PCSK5: variants seen among roughly 807,000 people sequenced by gnomAD.
PCSK5 encodes proprotein convertase subtilisin/kexin type 5.
In PCSK5, 129 loss-of-function variants were observed where a neutral mutation model predicts 233.2. The observed-to-expected ratio is 0.55, with a 90% CI of 0.48 to 0.64. The LOEUF is 0.64. Ranked by LOEUF, PCSK5 falls within the 30% of genes least tolerant of loss-of-function variation. PCSK5 has a pLI of 0.00. For synonymous variants in PCSK5, 825 were observed against 879.2 expected (o/e 0.94, Z 1.09); for missense variants, 2,076 against 2,430.1 (o/e 0.85, Z 3.06).
At chr9:75,998,333 G>A (rs1285508884) in intron 3 of PCSK5, among the ~76,000 whole-genome samples, 1 of 151,788 alleles carries the variant, frequency 6.6e-6, no homozygotes, top group African/African-American at 2.4e-5. Context: ...CTTAACATTT[G>A]TGCATTTACA....
intron 33 of PCSK5, among the ~76,000 whole-genome samples, chr9:76,329,676 T>C (rs1328091304): frequency 6.6e-6 from 1 of 151,486 alleles, no homozygotes; most frequent in Non-Finnish European, 1.5e-5. Context: ...CTACTAAAAA[T>C]ACAAAAATTA....
intron 1 of PCSK5, among the ~76,000 whole-genome samples, chr9:75,926,231 G>T (rs62555878): frequency 2.0e-5 from 3 of 150,318 alleles, no homozygotes; most frequent in Admixed American, 6.6e-5. Flanking sequence ...ACTTTTTTGA[G>T]ATCATCGGTT....
chr9:76,189,564 T>C, intron 19 of PCSK5, 67 bp from the exon 20 acceptor site: 5 of 920,522 alleles, frequency 5.4e-6, no homozygotes, highest in Non-Finnish European at 8.9e-6. Context: ...ATTATGAGGT[T>C]GCTAGTAAAC....
intron 7 of PCSK5, 57 bp downstream of exon 7, chr9:76,071,955 G>A: frequency 1.1e-5 from 16 of 1,502,432 alleles, no homozygotes; most frequent in Non-Finnish European, 1.5e-5. Flanking sequence ...ATTCTCATAT[G>A]AAGAATCTAT....
At chr9:76,336,313 C>CA (rs11351169) in intron 34 of PCSK5, among the ~76,000 whole-genome samples, 5 of 151,314 alleles carry the variant, frequency 3.3e-5, no homozygotes, top group South Asian at 4.2e-4. Flanking sequence ...AATTAGTCTA[C>CA]AAAAAAAAAG....
rs60154517 is a variant in PCSK5, at chr9:75,979,566, C to T, written c.298-6566C>T. On this transcript the variant is annotated intron_variant, in intron 2 of 37. Transcript: ENST00000674117. ...CTTTCTTTGTCTGTCCACTGGAGGG[C>T]GAATGCAATACTGGTAGGCCTGAGG... 7.0e-3 allele frequency among the ~76,000 whole-genome samples: 1,062 copies of T among 152,216 alleles called. 16 individuals are homozygous for T. Among genetic ancestry groups the T allele is most frequent in the African/African-American group, 0.023 (962 of 41,536 alleles).
chr9:76,290,729 G>A (rs1828252183), intron 24 of PCSK5, among the ~76,000 whole-genome samples: 1 of 152,220 alleles, frequency 6.6e-6, no homozygotes, highest in African/African-American at 2.4e-5. Context: ...CTGTGAAGTG[G>A]CAGGGAGTAA....
At chr9:75,992,147 G>T (rs1169316118) in intron 3 of PCSK5, among the ~76,000 whole-genome samples, 1 of 152,094 alleles carries the variant, frequency 6.6e-6, no homozygotes. Flanking sequence ...CCAAACTAAG[G>T]AATGGAGTAT....
intron 2 of PCSK5, among the ~76,000 whole-genome samples, chr9:75,982,276 G>A (rs996149525): frequency 6.6e-6 from 1 of 151,994 alleles, no homozygotes; most frequent in African/African-American, 2.4e-5. Flanking sequence ...GTTCTTACTG[G>A]CAGTGTTTTA....
At chr9:75,978,276 A>G (rs1035231910) in intron 2 of PCSK5, among the ~76,000 whole-genome samples, 3 of 152,214 alleles carry the variant, frequency 2.0e-5, no homozygotes. Context: ...CGTCTTTGGT[A>G]CTAGGGATCT....
intron 8 of PCSK5, among the ~76,000 whole-genome samples, chr9:76,101,356 C>A (rs796625433): frequency 6.6e-6 from 1 of 152,154 alleles, no homozygotes; most frequent in Non-Finnish European, 1.5e-5. Context: ...CGTTATTTGA[C>A]AGGATATTTA....
rs775643042 is a variant in PCSK5, at chr9:76,323,077, CGAT to C, written c.4132_4134del (p.Asp1378del). 6.8e-6 allele frequency: 11 copies of C among 1,605,852 alleles called. No homozygotes were observed. In the African/African-American group the frequency reaches 1.1e-4, roughly 16 times the overall value. On this transcript the variant is annotated inframe_deletion, in exon 32 of 38. Coordinates refer to ENST00000674117, the MANE Select transcript of PCSK5 (RefSeq NM_001372043.1). ...AGTGCACGCCTGAGTTCTTCCTGCACGATGATATGTGCCACCAGTCCTGTCCCC... is the reference window on the plus strand; with the variant it reads ...AGTGCACGCCTGAGTTCTTCCTGCACGATATGTGCCACCAGTCCTGTCCCC...
intron 7 of PCSK5, among the ~76,000 whole-genome samples, chr9:76,084,378 TATC>T (rs1327565233): frequency 2.6e-5 from 4 of 152,258 alleles, no homozygotes; most frequent in Non-Finnish European, 4.4e-5. Flanking sequence ...AAATTTTTAT[TATC>T]ATCTTGTTTT....
intron 5 of PCSK5, among the ~76,000 whole-genome samples, chr9:76,038,826 G>A (rs569912525): frequency 6.6e-6 from 1 of 152,304 alleles, no homozygotes; most frequent in Non-Finnish European, 1.5e-5. Context: ...TGGGACAATA[G>A]GAGCCCCATC....
chr9:75,934,012 A>G (rs1187635225), intron 2 of PCSK5, among the ~76,000 whole-genome samples: 8 of 152,218 alleles, frequency 5.3e-5, no homozygotes, highest in Non-Finnish European at 1.2e-4. Context: ...TTTACTGAAC[A>G]TGGAGCTATT....
Position 76,360,119 on chromosome 9 carries a change from T to G in PCSK5, c.*1197T>G, listed in dbSNP as rs1830405304. 6.6e-6 allele frequency: 1 copy of G among 152,176 alleles called. No homozygotes were observed. The highest frequency in any genetic ancestry group is 2.1e-4 in the South Asian group (1 of 4,834). 9.4% of individuals were successfully genotyped at this position (152,176 alleles called of 1,614,324 possible). A position where few individuals can be genotyped will look rare whatever the true frequency, so the allele number is the denominator to read the frequency against. On this transcript the variant is annotated 3_prime_UTR_variant, in exon 38 of 38. Coordinates refer to ENST00000674117, the MANE Select transcript of PCSK5 (RefSeq NM_001372043.1). ...ATGATGTTGGCAGGGTCTTACAGAT[T>G]TCCTTGTCAAAATAGACCTTACAGG... is the stretch of plus-strand genomic sequence containing the variant.
intron 32 of PCSK5, among the ~76,000 whole-genome samples, chr9:76,323,927 G>C (rs977293913): frequency 1.7e-5 from 2 of 118,264 alleles, no homozygotes; most frequent in Non-Finnish European, 3.6e-5. Flanking sequence ...CTCCCTTCCT[G>C]GGTGATTTTT....
chr9:76,240,245 T>A (rs984908), intron 23 of PCSK5, among the ~76,000 whole-genome samples: 67,281 of 151,852 alleles, frequency 0.44, 15,440 homozygotes, highest in East Asian at 0.75. Flanking sequence ...TAAACTTTTT[T>A]AAAAAGTGTT....
Position 76,232,273 on chromosome 9 carries a change from C to T in PCSK5, c.2730-1187C>T, listed in dbSNP as rs138986825. 2.0e-4 allele frequency among the ~76,000 whole-genome samples: 31 copies of T among 152,282 alleles called. 1 individual carries two copies. In the East Asian group the frequency reaches 5.8e-3, roughly 28 times the overall value. On this transcript the variant is annotated intron_variant, in intron 21 of 37. Transcript: ENST00000674117. ...AGAAAAAGACATCCTTCCCTTTCTT[C>T]GCAGGCCCACTCAGATGTCCCAGGC... is the stretch of plus-strand genomic sequence containing the variant.
Sources: gnomAD v4.1 joint callset for allele counts (sites outside exome capture counted in the v4.1 genomes callset) on GRCh38, gnomAD v4.1.1 for gene constraint, MANE v1.5 for transcripts, NCBI Gene and HGNC (gene_info 2026-07-23, HGNC 2026-07-21) for gene names.